The following DHRSX variants were observed in gnomAD, a reference collection of about 807,000 sequenced individuals.
DHRSX encodes the protein polyprenol dehydrogenase.
In DHRSX, 31 loss-of-function variants were observed where a neutral mutation model predicts 34.0. That is an observed-to-expected ratio of 0.91 (90% CI 0.69 to 1.23). DHRSX has a LOEUF of 1.23. Ranked by LOEUF, DHRSX falls within the 50% of genes most tolerant of loss-of-function variation. DHRSX has a pLI of 0.00. For missense variants in DHRSX, 414 were observed against 428.1 expected, an observed-to-expected ratio of 0.97 and a Z score of 0.29; for synonymous variants, 201 against 183.8, an observed-to-expected ratio of 1.09 and a Z score of -0.76.
In DHRSX at chrX:2,385,110, A is replaced by ATGTGTGTGTGTGTGTG. The variant is rs934167358; in HGVS notation, c.286+23619_286+23634dup. 6.9e-3 allele frequency among the ~76,000 whole-genome samples: 1,016 copies of ATGTGTGTGTGTGTGTG among 146,578 alleles called. 10 individuals are homozygous for ATGTGTGTGTGTGTGTG. The highest frequency in any genetic ancestry group is 0.037 in the East Asian group (180 of 4,904). On this transcript the variant is annotated intron_variant, in intron 3 of 6. Coordinates refer to ENST00000334651, the MANE Select transcript of DHRSX (RefSeq NM_145177.3). ...GAGTGAGACTCCATCTCAAATATAT[A>ATGTGTGTGTGTGTGTG]TGTGTGTGTGTGTGTGTGTGTGTGT...
chrX:2,305,738 G>A (rs1471103106), intron 3 of DHRSX, among the ~76,000 whole-genome samples: 1 of 145,602 alleles, frequency 6.9e-6, no homozygotes, highest in Non-Finnish European at 1.5e-5. Flanking sequence ...ACTAACACAA[G>A]AACAGAAAAC....
chrX:2,232,571 A>AT (rs762236265), intron 6 of DHRSX, among the ~76,000 whole-genome samples: 164 of 151,096 alleles, frequency 1.1e-3, no homozygotes, highest in African/African-American at 2.2e-3. Flanking sequence ...AAGAATCAGC[A>AT]TTTTTTTTTA....
intron 3 of DHRSX, among the ~76,000 whole-genome samples, chrX:2,296,205 A>G (rs1452702310): frequency 6.6e-6 from 1 of 152,162 alleles, no homozygotes; most frequent in Non-Finnish European, 1.5e-5. Flanking sequence ...GAAATGATGC[A>G]TCTTTGAGTG....
At chrX:2,283,740 AATTC>A (rs1241433957) in intron 4 of DHRSX, among the ~76,000 whole-genome samples, 13 of 152,298 alleles carry the variant, frequency 8.5e-5, no homozygotes, top group South Asian at 6.2e-4. Flanking sequence ...AACTCATTAG[AATTC>A]ATTCATTCAT....
At chrX:2,497,466 C>T (rs1379862820) in intron 1 of DHRSX, among the ~76,000 whole-genome samples, 1 of 152,068 alleles carries the variant, frequency 6.6e-6, no homozygotes, top group African/African-American at 2.4e-5. Context: ...CTGTTCACTA[C>T]TCATAAAACC....
intron 1 of DHRSX, among the ~76,000 whole-genome samples, chrX:2,445,539 C>G (rs2044119177): frequency 6.6e-6 from 1 of 152,174 alleles, no homozygotes; most frequent in Admixed American, 6.5e-5. Flanking sequence ...ATCCTCACCC[C>G]CAAGGGACCG....
intron 5 of DHRSX, among the ~76,000 whole-genome samples, chrX:2,249,450 G>A (rs1306711424): frequency 6.8e-6 from 1 of 146,306 alleles, no homozygotes; most frequent in Admixed American, 6.9e-5. Context: ...TGCCCACCTC[G>A]GCCTCCCAAA....
intron 3 of DHRSX, among the ~76,000 whole-genome samples, chrX:2,311,222 GAGGGAGAGAAAGAGAGAGAGACATAC>G (rs1490843014): frequency 2.0e-5 from 3 of 151,932 alleles, no homozygotes; most frequent in African/African-American, 7.3e-5. Flanking sequence ...GTGACACAGA[GAGGGAGAGAAAGAGAGAGAGACATAC>G]AGAGAGAGAA....
rs772905427 is a variant in DHRSX at position 2,454,244 on chromosome X, G to A, written c.110-28940C>T. Reference sequence around the variant, plus strand: ...TATGTGCTCAAGGTGTATCCACACTGGGCCGGGCGCTGTGACTCACGCCTG... The same window carrying A: ...TATGTGCTCAAGGTGTATCCACACTAGGCCGGGCGCTGTGACTCACGCCTG... On this transcript the variant is annotated intron_variant, in intron 1 of 6. Transcript: ENST00000334651. Among the ~76,000 whole-genome samples the A allele has an allele frequency of 2.4e-4, 37 of 152,136 alleles. No homozygotes were observed. In the Middle Eastern group the frequency reaches 0.014, roughly 56 times the overall value.
At chrX:2,489,802 C>T (rs2045075952) in intron 1 of DHRSX, 2 of 1,613,564 alleles carry the variant, frequency 1.2e-6, no homozygotes, top group South Asian at 1.1e-5. Context: ...CCCCCAGCTT[C>T]GGGAGCTGGA....
At chrX:2,417,455 C>G (rs1220897934) in intron 2 of DHRSX, among the ~76,000 whole-genome samples, 1 of 152,000 alleles carries the variant, frequency 6.6e-6, no homozygotes, top group Non-Finnish European at 1.5e-5. Context: ...GATGACATAA[C>G]CCAGCTGGAC....
chrX:2,362,748 ATGGTATCATGCCGCCATTTTATCACCG>A, intron 3 of DHRSX, among the ~76,000 whole-genome samples: 1 of 151,258 alleles, frequency 6.6e-6, no homozygotes, highest in East Asian at 2.0e-4. Flanking sequence ...TCACCGTTCT[ATGGTATCATGCCGCCATTTTATCACCG>A]TTCTATGGTA....
chrX:2,343,533 T>G (rs1212903193), intron 3 of DHRSX, among the ~76,000 whole-genome samples: 2 of 152,214 alleles, frequency 1.3e-5, no homozygotes, highest in Non-Finnish European at 2.9e-5. Context: ...ACCAGAGGAC[T>G]CTGTGGTCAT....
intron 1 of DHRSX, among the ~76,000 whole-genome samples, chrX:2,498,221 T>TC (rs1421463052): frequency 1.3e-5 from 2 of 152,126 alleles, no homozygotes; most frequent in East Asian, 3.9e-4. Flanking sequence ...AAGAACACGC[T>TC]CCATTTGGAA....
intron 3 of DHRSX, among the ~76,000 whole-genome samples, chrX:2,405,865 C>A (rs2043547339): frequency 6.6e-6 from 1 of 150,722 alleles, no homozygotes; most frequent in Admixed American, 6.6e-5. Context: ...CTCAAAACAC[C>A]ATCTCAAATT....
chrX:2,347,441 C>T (rs908934352), intron 3 of DHRSX, among the ~76,000 whole-genome samples: 19 of 152,338 alleles, frequency 1.2e-4, no homozygotes, highest in African/African-American at 4.1e-4. Flanking sequence ...CGCCTGTAAT[C>T]CCAGCACTTT....
intron 3 of DHRSX, among the ~76,000 whole-genome samples, chrX:2,355,511 T>TAAAAAAAAAAA (rs767512287): frequency 1.5e-4 from 11 of 75,300 alleles, no homozygotes; most frequent in African/African-American, 3.6e-4. Flanking sequence ...AGACCCCATC[T>TAAAAAAAAAAA]AAAAAAAAAA....
At position 2,499,691 on chromosome X, in the gene DHRSX, C is replaced by G. The variant is rs893602011; in HGVS notation, c.109+1126G>C. 1.4e-4 allele frequency among the ~76,000 whole-genome samples: 22 copies of G among 152,152 alleles called. No individual in the cohort carries two copies. In the Middle Eastern group the frequency reaches 0.014, roughly 95 times the overall value. On this transcript the variant is annotated intron_variant, in intron 1 of 6. Transcript: ENST00000334651. ...GGGGACCCAGGTAGGAGGATTGCTT[C>G]GGCCCATGAGTTTCAGACCAGCCTG...
intron 3 of DHRSX, among the ~76,000 whole-genome samples, chrX:2,331,656 G>A (rs1467414459): frequency 6.6e-6 from 1 of 151,842 alleles, no homozygotes; most frequent in East Asian, 1.9e-4. Flanking sequence ...CACCATGTTG[G>A]TCAGACTGGT....
Sources: gnomAD v4.1 joint callset for allele counts (sites outside exome capture counted in the v4.1 genomes callset) on GRCh38, gnomAD v4.1.1 for gene constraint, MANE v1.5 for transcripts, NCBI Gene and HGNC (gene_info 2026-07-23, HGNC 2026-07-21) for gene names.